Variants in RABGAP1L observed in about 807,000 individuals in gnomAD.
RABGAP1L encodes rab GTPase-activating protein 1-like.
Under a neutral mutation model 137.7 loss-of-function variants are expected in RABGAP1L, and 63 were observed. The observed-to-expected ratio is 0.46, with a 90% confidence interval of 0.37 to 0.56. The LOEUF is 0.56. Among genes scored for constraint, RABGAP1L ranks in the 20% least tolerant of loss-of-function variants. The probability of loss-of-function intolerance (pLI) is 0.00; values close to 1 mark genes in which losing one functional copy is unlikely to be tolerated. For missense variants in RABGAP1L, 1,095 were observed against 1,244.0 expected (o/e 0.88, Z 1.80); for synonymous variants, 431 against 433.7 (o/e 0.99, Z 0.08).
intron 19 of RABGAP1L, among the ~76,000 whole-genome samples, chr1:174,837,979 C>T (rs369319120): frequency 6.6e-6 from 1 of 152,136 alleles, no homozygotes; most frequent in East Asian, 1.9e-4. Flanking sequence ...AATGGATAGT[C>T]TCTTTATAGA....
chr1:174,876,964 C>T (rs895157547), intron 19 of RABGAP1L, among the ~76,000 whole-genome samples: 42 of 151,744 alleles, frequency 2.8e-4, no homozygotes, highest in Non-Finnish European at 4.1e-4. Context: ...AAATGGTTTT[C>T]ATCTGTTTAT....
chr1:174,787,288 A>G (rs1687516639), intron 18 of RABGAP1L, among the ~76,000 whole-genome samples: 1 of 151,976 alleles, frequency 6.6e-6, no homozygotes, highest in South Asian at 2.1e-4. Flanking sequence ...CTGTAATCCC[A>G]GCTACTTGGG....
chr1:174,916,616 T>C (rs1476884348), intron 19 of RABGAP1L, among the ~76,000 whole-genome samples: 1 of 152,252 alleles, frequency 6.6e-6, no homozygotes, highest in African/African-American at 2.4e-5. Context: ...TTTTTGTCTT[T>C]TAGTGTCAGT....
intron 13 of RABGAP1L, among the ~76,000 whole-genome samples, chr1:174,608,737 T>C (rs1670967940): frequency 6.6e-6 from 1 of 152,138 alleles, no homozygotes; most frequent in South Asian, 2.1e-4. Context: ...GAATGGTATA[T>C]GGGAACAAAA....
At chr1:174,815,371 AG>A (rs375333446) in intron 19 of RABGAP1L, among the ~76,000 whole-genome samples, 9 of 152,364 alleles carry the variant, frequency 5.9e-5, no homozygotes, top group African/African-American at 2.2e-4. Flanking sequence ...GGAATAGGCA[AG>A]AAAGTTTAAC....
chr1:174,980,651 G>A (rs1349763210), intron 23 of RABGAP1L, among the ~76,000 whole-genome samples: 1 of 152,180 alleles, frequency 6.6e-6, no homozygotes, highest in Non-Finnish European at 1.5e-5. Flanking sequence ...GCAAAGGGAC[G>A]TTAGGGTCCA....
intron 19 of RABGAP1L, among the ~76,000 whole-genome samples, chr1:174,819,632 A>T (rs557987509): frequency 6.6e-6 from 1 of 152,326 alleles, no homozygotes; most frequent in South Asian, 2.1e-4. Context: ...GGTATTCCAG[A>T]CTGAAAAGCA....
intron 10 of RABGAP1L, 128 bp downstream of exon 10, chr1:174,278,907 G>A: frequency 1.2e-6 from 1 of 863,184 alleles, no homozygotes; most frequent in Non-Finnish European, 1.6e-6. Flanking sequence ...AATGATATTT[G>A]AAGTCAACCA....
chr1:174,374,192 C>A (rs1193747375), intron 12 of RABGAP1L, among the ~76,000 whole-genome samples: 1 of 152,156 alleles, frequency 6.6e-6, no homozygotes, highest in African/African-American at 2.4e-5. Context: ...TTCTTCCTTT[C>A]CCACTTCAAG....
At chr1:174,308,408 G>C (rs535613273) in intron 11 of RABGAP1L, among the ~76,000 whole-genome samples, 4 of 151,684 alleles carry the variant, frequency 2.6e-5, no homozygotes, top group Non-Finnish European at 5.9e-5. Flanking sequence ...ATCTATTTTT[G>C]CTTTTGTTCC....
intron 13 of RABGAP1L, among the ~76,000 whole-genome samples, chr1:174,519,371 G>A (rs974835955): frequency 5.3e-5 from 8 of 152,136 alleles, no homozygotes; most frequent in Middle Eastern, 6.8e-3. Context: ...GATGTTTGAG[G>A]GCAGGAAGCA....
chr1:174,220,116 T>C (rs1669640647), intron 2 of RABGAP1L, among the ~76,000 whole-genome samples: 2 of 152,194 alleles, frequency 1.3e-5, no homozygotes, highest in Admixed American at 6.5e-5. Context: ...ACATCACTTA[T>C]TTGCTTAGGC....
chr1:174,553,404 A>G lies in RABGAP1L; in HGVS notation c.1711-83971A>G, dbSNP rs143141312. 1.3e-3 allele frequency among the ~76,000 whole-genome samples: 200 copies of G among 152,246 alleles called. 1 individual carries two copies. Among genetic ancestry groups the G allele is most frequent in the African/African-American group, 4.5e-3 (188 of 41,540 alleles). On this transcript the variant is annotated intron_variant, in intron 13 of 25. Coordinates refer to ENST00000681986, the MANE Select transcript of RABGAP1L (RefSeq NM_001366446.1). Reference sequence around the variant, plus strand: ...TAATCCATCTTGAGTTGATTTTTGTATGTGGTATAAGGAAGGCATCCAGTA... The same window carrying G: ...TAATCCATCTTGAGTTGATTTTTGTGTGTGGTATAAGGAAGGCATCCAGTA...
At chr1:174,928,905 G>GTGATTTTCAAATATCTTTCCTAAT (rs1263800081) in intron 19 of RABGAP1L, among the ~76,000 whole-genome samples, 1 of 152,092 alleles carries the variant, frequency 6.6e-6, no homozygotes, top group African/African-American at 2.4e-5. Context: ...AAATATAGCA[G>GTGATTTTCAAATATCTTTCCTAAT]TGATTTTCAA....
intron 7 of RABGAP1L, among the ~76,000 whole-genome samples, chr1:174,269,244 G>A (rs1476828475): frequency 1.3e-5 from 2 of 152,232 alleles, no homozygotes; most frequent in South Asian, 2.1e-4. Context: ...GCGCCACCGC[G>A]CCCGGCCAGG....
chr1:174,858,332 C>G (rs956837355), intron 19 of RABGAP1L, among the ~76,000 whole-genome samples: 2 of 152,144 alleles, frequency 1.3e-5, no homozygotes, highest in Non-Finnish European at 2.9e-5. Flanking sequence ...TTTTAATATA[C>G]TGTATATCCA....
chr1:174,554,559 A>G (rs565437718), intron 13 of RABGAP1L, among the ~76,000 whole-genome samples: 1 of 152,302 alleles, frequency 6.6e-6, no homozygotes, highest in Admixed American at 6.5e-5. Flanking sequence ...AATATGCCAT[A>G]ATATGTTTTA....
intron 17 of RABGAP1L, among the ~76,000 whole-genome samples, chr1:174,722,688 T>G (rs1474754405): frequency 6.6e-6 from 1 of 152,034 alleles, no homozygotes; most frequent in Non-Finnish European, 1.5e-5. Context: ...TGACCTCAGG[T>G]GATCTACCTG....
intron 13 of RABGAP1L, among the ~76,000 whole-genome samples, chr1:174,580,650 G>C (rs541800784): frequency 6.6e-6 from 1 of 152,224 alleles, no homozygotes; most frequent in African/African-American, 2.4e-5. Flanking sequence ...GGAGGGGGGA[G>C]GGATAGCATT....
Sources: allele counts gnomAD v4.1 joint callset (sites outside exome capture counted in the v4.1 genomes callset), GRCh38; gene constraint gnomAD v4.1.1; transcripts MANE v1.5; gene names NCBI Gene and HGNC (gene_info 2026-07-23, HGNC 2026-07-21).